Variants in CD24 observed in about 807,000 individuals in gnomAD.
The protein encoded by CD24 is CD24 molecule.
CD24 carries 2 observed loss-of-function variants against 3.6 expected under a neutral mutation model. The ratio of observed to expected loss-of-function variants is 0.56; its 90% CI spans 0.23 to 1.77. The LOEUF (loss-of-function observed/expected upper bound fraction) is 1.77, where lower values mean the gene tolerates loss of function less well. Among genes scored for constraint, CD24 ranks in the 40% most tolerant of loss-of-function variants. The pLI is 0.18. For synonymous variants in CD24, 33 were observed against 44.9 expected, an observed-to-expected ratio of 0.74 and a Z score of 1.06; for missense variants, 62 against 93.6, an observed-to-expected ratio of 0.66 and a Z score of 1.39.
upstream of CD24, among the ~76,000 whole-genome samples, chr6:106,976,725 T>C (rs2114904203): frequency 1.3e-5 from 2 of 152,108 alleles, no homozygotes; most frequent in East Asian, 3.9e-4. Flanking sequence ...AAATTAGCCA[T>C]GCATGGTTGC....
At chr6:106,974,731 G>C (rs1773064343), upstream of CD24, 3 of 1,400,698 alleles carry the variant, frequency 2.1e-6, no homozygotes, top group Non-Finnish European at 1.9e-6. Flanking sequence ...AGGCAAGGTG[G>C]GGAGCGCGGC....
chr6:106,974,933 G>T (rs1773071470), upstream of CD24, among the ~76,000 whole-genome samples: 1 of 147,910 alleles, frequency 6.8e-6, no homozygotes, highest in South Asian at 2.1e-4. Context: ...GAGCCCCCCG[G>T]GCGGGCGCCG....
chr6:106,973,835 G>C (rs1773034740), intron 1 of CD24: 2 of 398,542 alleles, frequency 5.0e-6, no homozygotes, highest in Non-Finnish European at 8.8e-6. Flanking sequence ...CGCTGGTAGC[G>C]GCGACCCGAA....
intron 1 of CD24, 90 bp downstream of exon 1, chr6:106,974,488 A>C (rs1193118492): frequency 1.8e-5 from 13 of 711,826 alleles, no homozygotes; most frequent in Middle Eastern, 3.9e-4. Flanking sequence ...CCGAGGCAGG[A>C]GCGCAGGACG....
chr6:106,975,420 C>T (rs930838098), upstream of CD24: 1 of 150,526 alleles, frequency 6.6e-6, no homozygotes, highest in African/African-American at 2.4e-5. Context: ...CCCGGCTGGT[C>T]GGCGCTCCTC....
At chr6:106,974,809 G>A (rs1371089234), upstream of CD24, 81 of 588,498 alleles carry the variant, frequency 1.4e-4, no homozygotes, top group Non-Finnish European at 2.1e-4. Context: ...CGCCCACCCC[G>A]GCTCCCCTCC....
chr6:106,974,437 G>A, intron 1 of CD24, 141 bp downstream of exon 1: 1 of 542,178 alleles, frequency 1.8e-6, no homozygotes, highest in Non-Finnish European at 3.1e-6. Context: ...CCTCTCCCCT[G>A]GTCAGCTAAG....
intron 1 of CD24, among the ~76,000 whole-genome samples, chr6:106,974,310 T>C (rs1234431283): frequency 6.6e-6 from 1 of 152,074 alleles, no homozygotes; most frequent in Non-Finnish European, 1.5e-5. Flanking sequence ...AGGGACAGCG[T>C]GGAACCTGGG....
chr6:106,971,845 TAA>T lies in CD24; in HGVS notation c.70-13_70-12del. On this transcript the variant is annotated splice_polypyrimidine_tract_variant and intron_variant, in intron 1 of 1. Transcript: ENST00000606017. ...TTCACTGGAATAAATCTAAAATACA[TAA>T]AAAGTTACATGGATACATTTCCACA... 6.6e-7 allele frequency: 1 copy of T among 1,517,544 alleles called. No homozygotes were observed. Among genetic ancestry groups the T allele is most frequent in the Non-Finnish European group, 8.9e-7 (1 of 1,117,746 alleles). The allele number at this position is 1,517,544 out of a possible 1,614,324, so 94.0% of individuals were successfully genotyped here.
At chr6:106,971,936 T>A in intron 1 of CD24, 102 bp from the exon 2 acceptor site, 1 of 781,532 alleles carries the variant, frequency 1.3e-6, no homozygotes, top group Non-Finnish European at 2.0e-6. Flanking sequence ...TAGATTGCTC[T>A]CTTACCATTG....
At chr6:106,976,462 T>A (rs1386485031), upstream of CD24, among the ~76,000 whole-genome samples, 2 of 152,216 alleles carry the variant, frequency 1.3e-5, no homozygotes, top group African/African-American at 4.8e-5. Context: ...TCAGTAACTT[T>A]CCAAGCACGT....
rs1003742204 is a variant in CD24 at position 106,974,596 on chromosome 6, T to C, written c.51A>G (p.Ala17=). 1.5e-3 allele frequency: 2,129 copies of C among 1,456,902 alleles called. No homozygotes were observed. Among genetic ancestry groups the C allele is most frequent in the Non-Finnish European group, 1.3e-3 (1,438 of 1,113,534 alleles). 90.2% of individuals were successfully genotyped at this position (1,456,902 alleles called of 1,614,324 possible). A position where few individuals can be genotyped will look rare whatever the true frequency, so the allele number is the denominator to read the frequency against. The stretch of plus-strand genomic sequence containing the variant: ...GCCTCACCTGCGTGGGTAGGAGCAG[T>C]GCCAGCAGCAGCAGCCCCAGCCCGA... The part of the protein sequence containing the change: ...ARLGLGLLLL[A]LLLPTQIYSS... The change falls in exon 1 of 2, where the codon GCA becomes GCG. Residue 17 remains alanine, a synonymous_variant. Transcript: ENST00000606017.
chr6:106,972,712 G>C (rs1332217160), intron 1 of CD24, among the ~76,000 whole-genome samples: 1 of 152,082 alleles, frequency 6.6e-6, no homozygotes, highest in Non-Finnish European at 1.5e-5. Context: ...ATGGAACAAA[G>C]GCAGATCGGA....
Position 106,972,155 on chromosome 6 carries a change from A to G in CD24, c.70-321T>C, listed in dbSNP as rs1772988490. Among the ~76,000 whole-genome samples, 116 of 152,334 alleles carry G rather than the reference A, an allele frequency of 7.6e-4. 2 individuals carry two copies. Among genetic ancestry groups the G allele is most frequent in the African/African-American group, 2.7e-3 (114 of 41,574 alleles). On this transcript the variant is annotated intron_variant, in intron 1 of 1. Coordinates refer to ENST00000606017, the MANE Select transcript of CD24 (RefSeq NM_001359084.1). Reference sequence around the variant, plus strand: ...TAACTAATTCAGTTTCCAAGATTATATTGACTTAATGGCATTGCAATAAGG... The same window carrying G: ...TAACTAATTCAGTTTCCAAGATTATGTTGACTTAATGGCATTGCAATAAGG...
upstream of CD24, among the ~76,000 whole-genome samples, chr6:106,974,951 T>G (rs1458282923): frequency 4.6e-4 from 67 of 146,794 alleles, no homozygotes; most frequent in African/African-American, 1.6e-3. Context: ...CCGCTGCAGG[T>G]GGGCGGGCGC....
At chr6:106,974,304 A>G (rs1773049066) in intron 1 of CD24, among the ~76,000 whole-genome samples, 1 of 152,188 alleles carries the variant, frequency 6.6e-6, no homozygotes, top group Non-Finnish European at 1.5e-5. Context: ...CTGGGAAGGG[A>G]CAGCGTGGAA....
chr6:106,975,355 G>GCCGGACGCTC (rs1773086070), upstream of CD24: 1 of 152,026 alleles, frequency 6.6e-6, no homozygotes, highest in South Asian at 2.1e-4. Context: ...CGCGGACGCG[G>GCCGGACGCTC]GCCGGACGCT....
chr6:106,973,403 T>C, intron 1 of CD24: 1 of 361,632 alleles, frequency 2.8e-6, no homozygotes, highest in East Asian at 4.1e-5. Context: ...CCCTCCCCCA[T>C]CAAAGAATTG....
chr6:106,973,548 G>A (rs1309533656), intron 1 of CD24: 15 of 397,708 alleles, frequency 3.8e-5, no homozygotes, highest in African/African-American at 3.1e-4. Flanking sequence ...GGGGACGGAG[G>A]ACGCAGCGCG....
Sources: allele counts gnomAD v4.1 joint callset (sites outside exome capture counted in the v4.1 genomes callset), GRCh38; gene constraint gnomAD v4.1.1; transcripts MANE v1.5; gene names NCBI Gene and HGNC (gene_info 2026-07-23, HGNC 2026-07-21).